Variants in SHB observed in about 807,000 individuals in gnomAD.
SHB encodes SH2 domain containing adaptor protein B.
A neutral mutation model predicts 52.3 loss-of-function variants in SHB; 20 were observed. The ratio of observed to expected loss-of-function variants is 0.38; its 90% CI spans 0.27 to 0.56. The LOEUF is 0.56. Among genes scored for constraint, SHB ranks in the 20% least tolerant of loss-of-function variants. The pLI is 0.71. For synonymous variants in SHB, 397 were observed against 316.5 expected, an observed-to-expected ratio of 1.25 and a Z score of -2.70; for missense variants, 825 against 723.3, an observed-to-expected ratio of 1.14 and a Z score of -1.61.
At chr9:38,005,608 C>T (rs1337731363) in intron 2 of SHB, among the ~76,000 whole-genome samples, 4 of 152,218 alleles carry the variant, frequency 2.6e-5, no homozygotes, top group Admixed American at 2.6e-4. Context: ...GAAATCATCT[C>T]ATCTGCTTCC....
At chr9:37,955,508 C>T (rs145056213) in intron 4 of SHB, among the ~76,000 whole-genome samples, 68 of 152,164 alleles carry the variant, frequency 4.5e-4, no homozygotes, top group African/African-American at 1.6e-3. Flanking sequence ...GACAGGGTCT[C>T]GCTCTGTTGC....
intron 5 of SHB, among the ~76,000 whole-genome samples, chr9:37,947,349 A>G (rs1832504331): frequency 6.6e-6 from 1 of 152,128 alleles, no homozygotes. Flanking sequence ...GGGTAGCTCT[A>G]ATTCTTGATC....
intron 3 of SHB, among the ~76,000 whole-genome samples, chr9:37,973,804 G>A (rs1410849762): frequency 1.3e-5 from 2 of 152,154 alleles, no homozygotes. Context: ...GTGAGCGTGT[G>A]CACGCTGAAA....
Position 37,995,925 on chromosome 9 carries a change from G to GC in SHB, c.838+20085dup, listed in dbSNP as rs1820941603. 3.3e-5 allele frequency among the ~76,000 whole-genome samples: 5 copies of GC among 152,238 alleles called. No homozygotes were observed. In the South Asian group the frequency reaches 1.0e-3, roughly 32 times the overall value. On this transcript the variant is annotated intron_variant, in intron 2 of 5. Coordinates refer to ENST00000377707, the MANE Select transcript of SHB (RefSeq NM_003028.3). ...GCAGGTGTCTTTGAACATCCAATTG[G>GC]CTTACACCCAACAATTCTATACAAT... is the stretch of plus-strand genomic sequence containing the variant.
At chr9:38,062,682 G>A (rs966192593) in intron 1 of SHB, among the ~76,000 whole-genome samples, 1 of 152,218 alleles carries the variant, frequency 6.6e-6, no homozygotes, top group Admixed American at 6.5e-5. Context: ...CCCAGTGACT[G>A]CAAAGGCATG....
chr9:38,011,771 A>T (rs2118066908), intron 2 of SHB, among the ~76,000 whole-genome samples: 1 of 152,272 alleles, frequency 6.6e-6, no homozygotes, highest in South Asian at 2.1e-4. Context: ...AAAAATCTCA[A>T]AAGGATTATA....
At chr9:37,994,838 C>G (rs527690193) in intron 2 of SHB, among the ~76,000 whole-genome samples, 1 of 152,174 alleles carries the variant, frequency 6.6e-6, no homozygotes, top group African/African-American at 2.4e-5. Flanking sequence ...TGTATGCTGC[C>G]CTTCAATAGC....
rs1822005408 is a variant in SHB at position 38,068,415 on chromosome 9, G to C, written c.231C>G (p.Thr77=). ...SGSLPDDSGS[T]SDLIRAYRAQ... ...CGCGGTAGGCGCGGATGAGGTCGCT[G>C]GTGCTGCCGCTGTCGTCGGGCAGCG... is the stretch of plus-strand genomic sequence containing the variant. The change falls in exon 1 of 6, where the codon ACC becomes ACG. Residue 77 remains threonine, a synonymous_variant. Transcript: ENST00000377707. 4 of 1,569,118 alleles carry C rather than the reference G, an allele frequency of 2.5e-6. No individual in the cohort carries two copies. The highest frequency in any genetic ancestry group is 3.4e-6 in the Non-Finnish European group (4 of 1,161,716).
intron 3 of SHB, among the ~76,000 whole-genome samples, chr9:37,967,914 T>A (rs893497977): frequency 4.6e-5 from 7 of 152,158 alleles, no homozygotes; most frequent in Admixed American, 2.0e-4. Flanking sequence ...AGTGGCCCAA[T>A]CCTCGGGAGG....
At position 38,069,189 on chromosome 9, in the gene SHB, G is replaced by T; in HGVS notation, c.-544C>A. 1 of 150,920 alleles carries T rather than the reference G, an allele frequency of 6.6e-6. No individual in the cohort carries two copies. Among genetic ancestry groups the T allele is most frequent in the South Asian group, 1.8e-4 (1 of 5,408 alleles). 9.3% of individuals were successfully genotyped at this position (150,920 alleles called of 1,614,324 possible). ...GCAGCCGGCGCCCGCCGGAGCCCGC[G>T]CGCCCGTGCCCGTCCCGGCGGCGCC... On this transcript the variant is annotated 5_prime_UTR_variant, in exon 1 of 6. Coordinates refer to ENST00000377707, the MANE Select transcript of SHB (RefSeq NM_003028.3).
chr9:38,028,836 A>G (rs916339571), intron 1 of SHB, among the ~76,000 whole-genome samples: 4 of 152,282 alleles, frequency 2.6e-5, no homozygotes, highest in African/African-American at 9.6e-5. Context: ...AAAAAGGACC[A>G]GAAAGAAATG....
chr9:37,952,489 T>C (rs1042210967), intron 4 of SHB, among the ~76,000 whole-genome samples: 1 of 152,222 alleles, frequency 6.6e-6, no homozygotes, highest in Admixed American at 6.5e-5. Flanking sequence ...GAGGAGAAGT[T>C]TGATTTCATC....
At chr9:37,979,576 C>G (rs747771376) in intron 2 of SHB, among the ~76,000 whole-genome samples, 3 of 150,746 alleles carry the variant, frequency 2.0e-5, no homozygotes, top group Non-Finnish European at 4.4e-5. Context: ...CCACAAGCAA[C>G]AAGCTATACT....
chr9:38,004,515 G>C (rs906190030), intron 2 of SHB, among the ~76,000 whole-genome samples: 10 of 152,186 alleles, frequency 6.6e-5, no homozygotes, highest in Non-Finnish European at 1.3e-4. Flanking sequence ...TTCTGAACTG[G>C]GCAGCAAGAG....
chr9:37,927,205 C>CT (rs1441656930), intron 5 of SHB, among the ~76,000 whole-genome samples: 3 of 152,202 alleles, frequency 2.0e-5, no homozygotes, highest in African/African-American at 7.2e-5. Flanking sequence ...ATGGAGGCTC[C>CT]TTCTAGCTGA....
intron 4 of SHB, among the ~76,000 whole-genome samples, chr9:37,949,800 T>C (rs1832543585): frequency 6.6e-6 from 1 of 152,184 alleles, no homozygotes; most frequent in Admixed American, 6.5e-5. Flanking sequence ...CTTGGGCATG[T>C]GGGAATCCCA....
Position 38,067,401 on chromosome 9 carries a change from G to T in SHB, c.717+528C>A, listed in dbSNP as rs369687192. ...CCGGATTTGGAAACCTAGAGCTGGG[G>T]GTGGGGCAGGGCAGGGCCGGGCAGG... On this transcript the variant is annotated intron_variant, in intron 1 of 5. Transcript: ENST00000377707. Among the ~76,000 whole-genome samples the T allele has an allele frequency of 2.6e-5, 4 of 152,302 alleles. No individual in the cohort carries two copies. In the East Asian group the frequency reaches 7.7e-4, roughly 29 times the overall value.
chr9:37,924,545 CAG>C (rs1832223105), intron 5 of SHB, among the ~76,000 whole-genome samples: 1 of 152,182 alleles, frequency 6.6e-6, no homozygotes, highest in Admixed American at 6.5e-5. Flanking sequence ...ACTCCAGACA[CAG>C]AGGGGATTTC....
At chr9:38,008,925 G>A (rs148636268) in intron 2 of SHB, among the ~76,000 whole-genome samples, 2 of 152,300 alleles carry the variant, frequency 1.3e-5, no homozygotes, top group African/African-American at 2.4e-5. Context: ...CAGAGTCCAC[G>A]GCACTACAGA....
Sources: allele counts gnomAD v4.1 joint callset (sites outside exome capture counted in the v4.1 genomes callset), GRCh38; gene constraint gnomAD v4.1.1; transcripts MANE v1.5; gene names NCBI Gene and HGNC (gene_info 2026-07-23, HGNC 2026-07-21).